The following EXOC6B variants were observed in gnomAD, a reference collection of about 807,000 sequenced individuals.
EXOC6B encodes exocyst complex component 6B.
Under a neutral mutation model 113.5 loss-of-function variants are expected in EXOC6B, and 54 were observed. That is an observed-to-expected ratio of 0.48 (90% CI 0.38 to 0.60). EXOC6B has a LOEUF of 0.60. Among genes scored for constraint, EXOC6B ranks in the 20% least tolerant of loss-of-function variants. The pLI is 0.00. For missense variants in EXOC6B, 797 were observed against 977.5 expected, an observed-to-expected ratio of 0.82 and a Z score of 2.46; for synonymous variants, 357 against 339.0, an observed-to-expected ratio of 1.05 and a Z score of -0.58.
chr2:72,296,239 A>C (rs1686127205), intron 20 of EXOC6B, among the ~76,000 whole-genome samples: 1 of 152,164 alleles, frequency 6.6e-6, no homozygotes, highest in African/African-American at 2.4e-5. Flanking sequence ...AATGTGATAT[A>C]GTATGACCTC....
At position 72,653,968 on chromosome 2, in the gene EXOC6B, TTA is replaced by T. The variant is rs1340851160; in HGVS notation, c.669+64133_669+64134del. Among the ~76,000 whole-genome samples, 35 of 68,286 alleles carry T rather than the reference TTA, an allele frequency of 5.1e-4. 2 individuals are homozygous for T. The highest frequency in any genetic ancestry group is 1.2e-3 in the African/African-American group (20 of 16,300). The allele number at this position is 68,286 out of a possible 152,430, so 44.8% of individuals were successfully genotyped here. ...TATGGTACAATGTCATGAATTTTAT[TTA>T]TTTTTTTTTTTTTTTTTGAGACGGA... On this transcript the variant is annotated intron_variant, in intron 6 of 21. Coordinates refer to ENST00000272427, the MANE Select transcript of EXOC6B (RefSeq NM_015189.3).
intron 6 of EXOC6B, among the ~76,000 whole-genome samples, chr2:72,592,168 A>C (rs894954933): frequency 6.6e-6 from 1 of 152,176 alleles, no homozygotes; most frequent in Admixed American, 6.6e-5. Flanking sequence ...GGCATCAGAG[A>C]GCTAAAAAGA....
intron 1 of EXOC6B, among the ~76,000 whole-genome samples, chr2:72,782,900 C>T (rs528247125): frequency 2.8e-4 from 43 of 152,316 alleles, no homozygotes; most frequent in African/African-American, 9.1e-4. Flanking sequence ...GTGTATACCT[C>T]GTTTTCTTTA....
chr2:72,422,578 T>C (rs1314427960), intron 18 of EXOC6B, among the ~76,000 whole-genome samples: 1 of 151,772 alleles, frequency 6.6e-6, no homozygotes, highest in East Asian at 1.9e-4. Context: ...TCAGGGATTG[T>C]AAATACACCA....
intron 20 of EXOC6B, among the ~76,000 whole-genome samples, chr2:72,209,844 T>C (rs1478974210): frequency 6.6e-6 from 1 of 152,170 alleles, no homozygotes; most frequent in Non-Finnish European, 1.5e-5. Flanking sequence ...ACTGTGCATA[T>C]TTGAATACAC....
At chr2:72,430,302 A>G (rs1695446685) in intron 18 of EXOC6B, among the ~76,000 whole-genome samples, 1 of 152,234 alleles carries the variant, frequency 6.6e-6, no homozygotes, top group South Asian at 2.1e-4. Context: ...AAATCTGCTT[A>G]CAATAAACTC....
At chr2:72,322,035 A>G (rs1687870934) in intron 20 of EXOC6B, among the ~76,000 whole-genome samples, 1 of 152,194 alleles carries the variant, frequency 6.6e-6, no homozygotes, top group African/African-American at 2.4e-5. Flanking sequence ...TAAGTTACAC[A>G]TACACTTATT....
intron 1 of EXOC6B, among the ~76,000 whole-genome samples, chr2:72,760,018 G>A (rs1220756999): frequency 6.6e-6 from 1 of 152,214 alleles, no homozygotes; most frequent in East Asian, 1.9e-4. Context: ...CCATGTGTCA[G>A]AGAGAAACAC....
At chr2:72,269,925 T>C (rs896313062) in intron 20 of EXOC6B, among the ~76,000 whole-genome samples, 2 of 152,162 alleles carry the variant, frequency 1.3e-5, no homozygotes, top group Admixed American at 1.3e-4. Context: ...TAATCTTTTC[T>C]TAATTCATCA....
chr2:72,532,225 A>C (rs1224570763), intron 8 of EXOC6B, among the ~76,000 whole-genome samples: 1 of 152,194 alleles, frequency 6.6e-6, no homozygotes, highest in Non-Finnish European at 1.5e-5. Flanking sequence ...ACAAAAAGGA[A>C]ATGAATGGCC....
intron 6 of EXOC6B, among the ~76,000 whole-genome samples, chr2:72,586,881 A>G (rs1573443710): frequency 1.3e-5 from 2 of 152,372 alleles, no homozygotes; most frequent in East Asian, 3.9e-4. Flanking sequence ...CACACCAGTC[A>G]GAATGGCTAC....
At chr2:72,432,894 G>A (rs757043337) in intron 18 of EXOC6B, among the ~76,000 whole-genome samples, 3 of 152,068 alleles carry the variant, frequency 2.0e-5, no homozygotes, top group Non-Finnish European at 2.9e-5. Context: ...CTTTTGCTGT[G>A]CAGAAGCTCT....
intron 7 of EXOC6B, among the ~76,000 whole-genome samples, chr2:72,574,695 C>G (rs754414551): frequency 2.0e-5 from 3 of 152,098 alleles, no homozygotes; most frequent in Admixed American, 6.6e-5. Context: ...TTTTTTAAAA[C>G]TTAAATGGCA....
In EXOC6B at chr2:72,610,873, C is replaced by G. The variant is rs371642817; in HGVS notation, c.670-35205G>C. 4.6e-5 allele frequency among the ~76,000 whole-genome samples: 7 copies of G among 152,174 alleles called. No homozygotes were observed. In the East Asian group the frequency reaches 9.6e-4, roughly 21 times the overall value. On this transcript the variant is annotated intron_variant, in intron 6 of 21. Coordinates refer to ENST00000272427, the MANE Select transcript of EXOC6B (RefSeq NM_015189.3). ...CTCCGCAGTGAAGAAACCTGACAAA[C>G]ACCACCTTCCTTGTGATGAAAGTTC... is the stretch of plus-strand genomic sequence containing the variant.
chr2:72,297,811 T>C (rs1412988146), intron 20 of EXOC6B, among the ~76,000 whole-genome samples: 1 of 152,238 alleles, frequency 6.6e-6, no homozygotes, highest in East Asian at 1.9e-4. Flanking sequence ...TTTGAGTGAC[T>C]GTTTTAATCC....
chr2:72,416,154 A>G (rs1694509597), intron 18 of EXOC6B, among the ~76,000 whole-genome samples: 1 of 152,190 alleles, frequency 6.6e-6, no homozygotes, highest in Admixed American at 6.5e-5. Context: ...TTTTGAGGTG[A>G]CATCCATCCC....
chr2:72,714,227 G>GC (rs1291110853), intron 6 of EXOC6B, among the ~76,000 whole-genome samples: 1 of 152,126 alleles, frequency 6.6e-6, no homozygotes, highest in African/African-American at 2.4e-5. Context: ...ATATGGTGTT[G>GC]CCCCCAACAA....
intron 1 of EXOC6B, among the ~76,000 whole-genome samples, chr2:72,778,379 C>A (rs1031350352): frequency 6.6e-6 from 1 of 152,040 alleles, no homozygotes; most frequent in Non-Finnish European, 1.5e-5. Flanking sequence ...AGCTTCAAGA[C>A]AAAAATAGCT....
intron 20 of EXOC6B, among the ~76,000 whole-genome samples, chr2:72,304,273 AT>A (rs1686701038): frequency 6.6e-6 from 1 of 152,218 alleles, no homozygotes; most frequent in Non-Finnish European, 1.5e-5. Context: ...TATAATGAAC[AT>A]TTTATACTTA....
Sources: gnomAD v4.1 joint callset for allele counts (sites outside exome capture counted in the v4.1 genomes callset) on GRCh38, gnomAD v4.1.1 for gene constraint, MANE v1.5 for transcripts, NCBI Gene and HGNC (gene_info 2026-07-23, HGNC 2026-07-21) for gene names.